The following CAPN6 variants were observed in gnomAD, a reference collection of about 807,000 sequenced individuals.
CAPN6 encodes calpain-6.
CAPN6 carries 16 observed loss-of-function variants against 46.0 expected under a neutral mutation model. The observed-to-expected ratio is 0.35, with a 90% CI of 0.24 to 0.53. The LOEUF (loss-of-function observed/expected upper bound fraction) is 0.53. Among genes scored for constraint, CAPN6 ranks in the 20% least tolerant of loss-of-function variants. The pLI, the probability that CAPN6 is intolerant of heterozygous loss-of-function variation, is 0.94. For synonymous variants in CAPN6, 206 were observed against 172.8 expected, an observed-to-expected ratio of 1.19 and a Z score of -1.51; for missense variants, 461 against 498.0, an observed-to-expected ratio of 0.93 and a Z score of 0.71.
rs898405738 is a variant in CAPN6 at position 111,245,650 on chromosome X, A to T, written c.*927T>A. On this transcript the variant is annotated 3_prime_UTR_variant, in exon 13 of 13. Transcript: ENST00000324068. ...TTTCACATTGCAGTCAGGGGCCCCA[A>T]ACTGGCTGTAATATGTCTGGATGAA... 2.7e-5 allele frequency: 3 copies of T among 112,633 alleles called. No individual in the cohort carries two copies. Among genetic ancestry groups the T allele is most frequent in the Non-Finnish European group, 5.6e-5 (3 of 53,271 alleles). The allele number at this position is 112,633 out of a possible 1,213,427, so 9.3% of individuals were successfully genotyped here.
At chrX:111,256,869 T>C (rs2147534814) in intron 2 of CAPN6, among the ~76,000 whole-genome samples, 1 of 103,171 alleles carries the variant, frequency 9.7e-6, no homozygotes, top group East Asian at 3.7e-4. Context: ...AACATTCCAT[T>C]TCCTCTTATA....
intron 2 of CAPN6, among the ~76,000 whole-genome samples, chrX:111,254,766 C>T (rs1235336633): frequency 5.4e-5 from 6 of 111,446 alleles, no homozygotes; most frequent in Non-Finnish European, 1.1e-4. Context: ...ACATTACATT[C>T]TGATCCTATT....
At chrX:111,263,677 G>T in intron 2 of CAPN6, 95 bp downstream of exon 2, 1 of 665,891 alleles carries the variant, frequency 1.5e-6, no homozygotes, top group Non-Finnish European at 2.2e-6. Context: ...CTTCTAAATT[G>T]GTCTACACAG....
rs979789728 is a variant in CAPN6, at chrX:111,252,295, A to G, written c.699+12T>C. 2.6e-6 allele frequency: 3 copies of G among 1,171,745 alleles called. No homozygotes were observed. Among genetic ancestry groups the G allele is most frequent in the Non-Finnish European group, 3.4e-6 (3 of 871,880 alleles). On this transcript the variant is annotated intron_variant, in intron 5 of 12. Coordinates refer to ENST00000324068, the MANE Select transcript of CAPN6 (RefSeq NM_014289.4). ...AATGAGTATACAGTGGTTGTTTTTCATGAGTACAAACCTCAATGGAACAGC... is the reference window on the plus strand; with the variant it reads ...AATGAGTATACAGTGGTTGTTTTTCGTGAGTACAAACCTCAATGGAACAGC...
intron 5 of CAPN6, 121 bp downstream of exon 5, chrX:111,252,186 T>C: frequency 1.8e-6 from 1 of 553,325 alleles, no homozygotes. Flanking sequence ...TATTTTAGCT[T>C]TCCAAGTCCC....
rs1337582909 is a variant in CAPN6, at chrX:111,245,678, C to A, written c.*899G>T. 2.7e-5 allele frequency: 3 copies of A among 112,803 alleles called. No individual in the cohort carries two copies. Among genetic ancestry groups the A allele is most frequent in the African/African-American group, 9.7e-5 (3 of 30,971 alleles). The allele number at this position is 112,803 out of a possible 1,213,427, so 9.3% of individuals were successfully genotyped here. A position where few individuals can be genotyped will look rare whatever the true frequency, so the allele number is the denominator to read the frequency against. On this transcript the variant is annotated 3_prime_UTR_variant, in exon 13 of 13. Transcript: ENST00000324068. ...TGGCTGTAATATGTCTGGATGAATT[C>A]TCTCATCTTTTAGGTGTGTATGGTA...
intron 1 of CAPN6, among the ~76,000 whole-genome samples, chrX:111,266,023 G>A (rs1023064151): frequency 9.1e-6 from 1 of 110,158 alleles, no homozygotes; most frequent in African/African-American, 3.3e-5. Context: ...ACAGCTTGAC[G>A]GAACACCTTT....
At position 111,246,089 on chromosome X, in the gene CAPN6, G is replaced by C. The variant is rs2094974269; in HGVS notation, c.*488C>G. The C allele has an allele frequency of 2.6e-5, 3 of 115,366 alleles. No homozygotes were observed. The highest frequency in any genetic ancestry group is 9.8e-5 in the African/African-American group (3 of 30,554). 9.5% of individuals were successfully genotyped at this position (115,366 alleles called of 1,213,427 possible). On this transcript the variant is annotated 3_prime_UTR_variant, in exon 13 of 13. Coordinates refer to ENST00000324068, the MANE Select transcript of CAPN6 (RefSeq NM_014289.4). ...GTGGCAGTGGTGTCTGTAAGGGTTG[G>C]GGACTTAAAGCCGGCTCTGGCTGCT... is the stretch of plus-strand genomic sequence containing the variant.
At chrX:111,266,791 C>T (rs759259431) in intron 1 of CAPN6, among the ~76,000 whole-genome samples, 23 of 112,501 alleles carry the variant, frequency 2.0e-4, no homozygotes, top group Non-Finnish European at 4.1e-4. Flanking sequence ...TGGTCACTGC[C>T]TTCTTAGAGA....
intron 1 of CAPN6, among the ~76,000 whole-genome samples, chrX:111,265,137 G>A (rs1215290746): frequency 8.9e-6 from 1 of 112,339 alleles, no homozygotes; most frequent in African/African-American, 3.2e-5. Flanking sequence ...GAGTATCTGT[G>A]TGGTATATCT....
At position 111,245,973 on chromosome X, in the gene CAPN6, C is replaced by G. The variant is rs11241; in HGVS notation, c.*604G>C. 0.14 allele frequency: 15,299 copies of G among 112,840 alleles called. 2,024 individuals are homozygous for G. The highest frequency in any genetic ancestry group is 0.41 in the African/African-American group (12,512 of 30,323). 9.3% of individuals were successfully genotyped at this position (112,840 alleles called of 1,213,427 possible). On this transcript the variant is annotated 3_prime_UTR_variant, in exon 13 of 13. Transcript: ENST00000324068. Reference sequence around the variant, plus strand: ...TCAACATGAAGGTAAAATTTACTGTCGGGGGTGACTTGGGTTAGGGCAGGA... The same window carrying G: ...TCAACATGAAGGTAAAATTTACTGTGGGGGGTGACTTGGGTTAGGGCAGGA...
At chrX:111,255,639 C>T (rs1486087060) in intron 2 of CAPN6, among the ~76,000 whole-genome samples, 8 of 112,203 alleles carry the variant, frequency 7.1e-5, no homozygotes, top group South Asian at 3.7e-4. Flanking sequence ...GTCCTCAAAC[C>T]TCTTTTTTTA....
At chrX:111,263,734 G>A (rs1451556260) in intron 2 of CAPN6, 38 bp downstream of exon 2, 6 of 1,123,201 alleles carry the variant, frequency 5.3e-6, no homozygotes, top group Non-Finnish European at 7.2e-6. Context: ...TATGATGAAG[G>A]AGGTCAAGGA....
chrX:111,248,665 T>G lies in CAPN6; in HGVS notation c.1388A>C (p.Lys463Thr). Residue 463 changes from lysine (K) to threonine (T), a missense_variant, in exon 10 of 13, where the codon AAG becomes ACG. Transcript: ENST00000324068. ...TGGGACAAGCACATAGTTGCCCTTCTTCAGGTACTTGCTCAGAAACACTGT... is the reference window on the plus strand; with the variant it reads ...TGGGACAAGCACATAGTTGCCCTTCGTCAGGTACTTGCTCAGAAACACTGT... ...TRTVFLSKYL[K>T]KGNYVLVPTM... is the part of the protein sequence containing the mutation. 3 of 1,209,954 alleles carry G rather than the reference T, an allele frequency of 2.5e-6. No individual in the cohort carries two copies.
intron 5 of CAPN6, 100 bp downstream of exon 5, chrX:111,252,207 T>C: frequency 1.5e-6 from 1 of 667,543 alleles, no homozygotes; most frequent in East Asian, 3.4e-5. Context: ...ATTAATAGTT[T>C]TTCATGGGTC....
chrX:111,247,753 T>C (rs2094975710), intron 11 of CAPN6, 118 bp downstream of exon 11: 1 of 922,492 alleles, frequency 1.1e-6, no homozygotes, highest in Admixed American at 2.9e-5. Flanking sequence ...TTGCCATCCA[T>C]TCCCAACTTC....
intron 1 of CAPN6, among the ~76,000 whole-genome samples, chrX:111,268,172 T>G (rs2094993373): frequency 9.0e-6 from 1 of 111,072 alleles, no homozygotes; most frequent in Admixed American, 9.5e-5. Context: ...TTATATAGGA[T>G]GTACCTACTG....
chrX:111,265,586 T>C (rs999046182), intron 1 of CAPN6, among the ~76,000 whole-genome samples: 8 of 112,070 alleles, frequency 7.1e-5, no homozygotes, highest in Non-Finnish European at 1.5e-4. Flanking sequence ...CCAACCTGAA[T>C]GTTTGCCCAG....
At chrX:111,262,462 T>C (rs2094988630) in intron 2 of CAPN6, among the ~76,000 whole-genome samples, 1 of 111,850 alleles carries the variant, frequency 8.9e-6, no homozygotes, top group Non-Finnish European at 1.9e-5. Flanking sequence ...AAAGTGATAG[T>C]TGGTAAAAGG....
Sources: gnomAD v4.1 joint callset for allele counts (sites outside exome capture counted in the v4.1 genomes callset) on GRCh38, gnomAD v4.1.1 for gene constraint, MANE v1.5 for transcripts, NCBI Gene and HGNC (gene_info 2026-07-23, HGNC 2026-07-21) for gene names.